The following SPNS2 variants were observed in gnomAD, a reference collection of about 807,000 sequenced individuals.
SPNS2 encodes sphingosine-1-phosphate transporter SPNS2.
A neutral mutation model predicts 57.6 loss-of-function variants in SPNS2; 37 were observed. The observed-to-expected ratio is 0.64, with a 90% CI of 0.49 to 0.85. The LOEUF (loss-of-function observed/expected upper bound fraction) is 0.85. Ranked by LOEUF, SPNS2 falls within the 40% of genes least tolerant of loss-of-function variation. The pLI, the probability that SPNS2 is intolerant of heterozygous loss-of-function variation, is 0.00. For missense variants in SPNS2, 831 were observed against 779.1 expected, an observed-to-expected ratio of 1.07 and a Z score of -0.79; for synonymous variants, 440 against 346.9, an observed-to-expected ratio of 1.27 and a Z score of -2.98.
At position 4,511,293 on chromosome 17, in the gene SPNS2, C is replaced by T. The variant is rs377011432; in HGVS notation, c.371-1954C>T. 1.4e-3 allele frequency among the ~76,000 whole-genome samples: 213 copies of T among 152,254 alleles called. No individual in the cohort carries two copies. The highest frequency in any genetic ancestry group is 4.8e-3 in the African/African-American group (200 of 41,542). ...CAGAACAGGAGGCATCTGAACTGGCCTTGAAGAAGTGGCAGGAGTGAGCCT... is the reference window on the plus strand; with the variant it reads ...CAGAACAGGAGGCATCTGAACTGGCTTTGAAGAAGTGGCAGGAGTGAGCCT... On this transcript the variant is annotated intron_variant, in intron 1 of 12. Coordinates refer to ENST00000329078, the MANE Select transcript of SPNS2 (RefSeq NM_001124758.3). The surrounding 1 kb of genome is among the most constrained non-coding windows in gnomAD (Gnocchi z 4.6).
chr17:4,530,993 G>A lies in SPNS2; in HGVS notation c.726-60G>A, dbSNP rs546083408. On this transcript the variant is annotated intron_variant, in intron 4 of 12. Coordinates refer to ENST00000329078, the MANE Select transcript of SPNS2 (RefSeq NM_001124758.3). ...GGGCAGCCTGCCTTGCAGACCAGCG[G>A]GCACTCCCTGTCCCCAGCCCCTGTC... 185 of 1,590,450 alleles carry A rather than the reference G, an allele frequency of 1.2e-4. No individual in the cohort carries two copies. In the East Asian group the frequency reaches 2.7e-3, roughly 23 times the overall value.
At chr17:4,518,967 G>A (rs189285457) in intron 2 of SPNS2, among the ~76,000 whole-genome samples, 72 of 152,284 alleles carry the variant, frequency 4.7e-4, no homozygotes, top group South Asian at 2.5e-3. Context: ...AGGTGTTCCC[G>A]TCCTTCCACC....
chr17:4,537,050 C>A, intron 12 of SPNS2, 104 bp downstream of exon 12: 1 of 1,208,264 alleles, frequency 8.3e-7, no homozygotes, highest in Non-Finnish European at 1.2e-6. Flanking sequence ...CCTACCCCAG[C>A]ACATCCCACC....
At position 4,537,521 on chromosome 17, in the gene SPNS2, C is replaced by T. The variant is rs891361021; in HGVS notation, c.*73C>T. 14 of 456,726 alleles carry T rather than the reference C, an allele frequency of 3.1e-5. No homozygotes were observed. Among genetic ancestry groups the T allele is most frequent in the Middle Eastern group, 3.2e-4 (1 of 3,098 alleles). 28.3% of individuals were successfully genotyped at this position (456,726 alleles called of 1,614,324 possible). Reference sequence around the variant, plus strand: ...GGAGGTGTCCTACAGCGTCCGGGACCGGCTGGGCTGCCCCAAAGCTTTCTG... The same window carrying T: ...GGAGGTGTCCTACAGCGTCCGGGACTGGCTGGGCTGCCCCAAAGCTTTCTG... On this transcript the variant is annotated 3_prime_UTR_variant, in exon 13 of 13. Coordinates refer to ENST00000329078, the MANE Select transcript of SPNS2 (RefSeq NM_001124758.3).
chr17:4,516,868 T>G (rs867934919), intron 2 of SPNS2, among the ~76,000 whole-genome samples: 22 of 152,032 alleles, frequency 1.4e-4, no homozygotes, highest in Middle Eastern at 3.4e-3. Context: ...TGATGCAGAG[T>G]GTTTAGGGAC....
chr17:4,533,536 G>T (rs573180231), intron 8 of SPNS2, 104 bp downstream of exon 8: 53 of 1,292,910 alleles, frequency 4.1e-5, no homozygotes, highest in African/African-American at 5.9e-5. Flanking sequence ...CCCTTCCCTC[G>T]GGGAGGCTCC....
At chr17:4,515,409 C>T (rs1412969855) in intron 2 of SPNS2, among the ~76,000 whole-genome samples, 1 of 152,194 alleles carries the variant, frequency 6.6e-6, no homozygotes, top group Non-Finnish European at 1.5e-5. Context: ...GCCTCTGCTG[C>T]CCATAGGCTG....
intron 9 of SPNS2, among the ~76,000 whole-genome samples, chr17:4,534,635 A>G (rs750859132): frequency 1.5e-4 from 23 of 152,108 alleles, no homozygotes; most frequent in Non-Finnish European, 2.4e-4. Flanking sequence ...CACTTCGGGA[A>G]GCCTGCCTTA....
In SPNS2 at chr17:4,505,523, C is replaced by T. The variant is rs144599793; in HGVS notation, c.370+6106C>T. 5.3e-5 allele frequency among the ~76,000 whole-genome samples: 8 copies of T among 152,314 alleles called. No homozygotes were observed. The East Asian group carries it at 5.8e-4, about 11-fold the overall frequency. On this transcript the variant is annotated intron_variant, in intron 1 of 12. Transcript: ENST00000329078. ...CAGTCCTCAGCCCTGACAATGAGGC[C>T]GCGCAACCCCCAAGCTGGGCAGAGC... is the stretch of plus-strand genomic sequence containing the variant.
At chr17:4,533,887 C>T in intron 9 of SPNS2, 34 bp downstream of exon 9, 1 of 1,548,006 alleles carries the variant, frequency 6.5e-7, no homozygotes, top group Non-Finnish European at 8.8e-7. Context: ...CCTTGTGCTG[C>T]TGACCCAGGC....
chr17:4,532,725 G>T (rs1905550499), intron 6 of SPNS2, 41 bp downstream of exon 6: 1 of 1,598,272 alleles, frequency 6.3e-7, no homozygotes, highest in Admixed American at 1.7e-5. Flanking sequence ...AGAGAGAGGG[G>T]TGCTGAGATG....
intron 5 of SPNS2, 80 bp downstream of exon 5, chr17:4,531,199 C>G: frequency 7.5e-7 from 1 of 1,326,364 alleles, no homozygotes; most frequent in Non-Finnish European, 1.1e-6. Flanking sequence ...GTAATCCAGG[C>G]TAGGACCTAG....
chr17:4,532,826 C>T lies in SPNS2; in HGVS notation c.935+142C>T, dbSNP rs931181150. ...CAGTGCTGGGAGGGACATTTTGGCC[C>T]CAGAATCGATTATTCCTGCAGCCTG... On this transcript the variant is annotated intron_variant, in intron 6 of 12. Transcript: ENST00000329078. The T allele has an allele frequency of 1.0e-5, 15 of 1,455,456 alleles. No individual in the cohort carries two copies. In the African/African-American group the frequency reaches 1.7e-4, roughly 16 times the overall value. The allele number at this position is 1,455,456 out of a possible 1,614,324, so 90.2% of individuals were successfully genotyped here. A position where few individuals can be genotyped will look rare whatever the true frequency, so the allele number is the denominator to read the frequency against.
At position 4,537,954 on chromosome 17, in the gene SPNS2, C is replaced by A. The variant is rs1174636370; in HGVS notation, c.*506C>A. 1 of 376,158 alleles carries A rather than the reference C, an allele frequency of 2.7e-6. No individual in the cohort carries two copies. The highest frequency in any genetic ancestry group is 3.2e-5 in the Admixed American group (1 of 31,540). The allele number at this position is 376,158 out of a possible 1,614,324, so 23.3% of individuals were successfully genotyped here. On this transcript the variant is annotated 3_prime_UTR_variant, in exon 13 of 13. Coordinates refer to ENST00000329078, the MANE Select transcript of SPNS2 (RefSeq NM_001124758.3). The stretch of plus-strand genomic sequence containing the variant: ...CCCGGCTTTGAGGCTCACGCGAGGG[C>A]CTGGTATGCAGGGACCACTGCTCAG...
At chr17:4,505,982 G>T (rs1208899237) in intron 1 of SPNS2, among the ~76,000 whole-genome samples, 1 of 152,256 alleles carries the variant, frequency 6.6e-6, no homozygotes, top group Non-Finnish European at 1.5e-5. Context: ...CAACTGAAAA[G>T]GGCTGTGCCT....
rs554322129 is a variant in SPNS2 at position 4,530,974 on chromosome 17, C to T, written c.726-79C>T. 81 of 1,553,470 alleles carry T rather than the reference C, an allele frequency of 5.2e-5. No homozygotes were observed. The African/African-American group carries it at 8.8e-4, about 17-fold the overall frequency. On this transcript the variant is annotated intron_variant, in intron 4 of 12. Coordinates refer to ENST00000329078, the MANE Select transcript of SPNS2 (RefSeq NM_001124758.3). ...CTGGCTGGGTGGGGAGGGTGGGCAGCCTGCCTTGCAGACCAGCGGGCACTC... is the reference window on the plus strand; with the variant it reads ...CTGGCTGGGTGGGGAGGGTGGGCAGTCTGCCTTGCAGACCAGCGGGCACTC...
intron 1 of SPNS2, among the ~76,000 whole-genome samples, chr17:4,509,761 G>C (rs1295673771): frequency 6.6e-6 from 1 of 152,258 alleles, no homozygotes; most frequent in Non-Finnish European, 1.5e-5. Flanking sequence ...GTTTTCTTGG[G>C]TGATGAGAAC....
chr17:4,520,724 G>A (rs1334040079), intron 2 of SPNS2, among the ~76,000 whole-genome samples: 1 of 152,170 alleles, frequency 6.6e-6, no homozygotes, highest in Non-Finnish European at 1.5e-5. Flanking sequence ...AGTCTGGGGA[G>A]TGATTTAGAG....
At chr17:4,528,142 C>A (rs1181492231) in intron 3 of SPNS2, among the ~76,000 whole-genome samples, 1 of 151,848 alleles carries the variant, frequency 6.6e-6, no homozygotes, top group Non-Finnish European at 1.5e-5. Flanking sequence ...CCTGCCTCAG[C>A]CTCCCAAGTA....
Sources: gnomAD v4.1 joint callset for allele counts (sites outside exome capture counted in the v4.1 genomes callset) on GRCh38, gnomAD v4.1.1 for gene constraint, Gnocchi (gnomAD v3.1) non-coding constraint, MANE v1.5 for transcripts, NCBI Gene and HGNC (gene_info 2026-07-23, HGNC 2026-07-21) for gene names.